The following NEK1 variants were observed in gnomAD, a reference collection of about 807,000 sequenced individuals.
The protein encoded by NEK1 is NIMA related kinase 1.
Under a neutral mutation model 182.1 loss-of-function variants are expected in NEK1, and 137 were observed. The ratio of observed to expected loss-of-function variants is 0.75; its 90% confidence interval spans 0.65 to 0.87. NEK1 has a LOEUF of 0.87. Ranked by LOEUF, NEK1 falls within the 40% of genes least tolerant of loss-of-function variation. The pLI is 0.00. For synonymous variants in NEK1, 513 were observed against 492.2 expected, an observed-to-expected ratio of 1.04 and a Z score of -0.56; for missense variants, 1,391 against 1,494.4, an observed-to-expected ratio of 0.93 and a Z score of 1.14.
Position 169,472,066 on chromosome 4 carries a change from G to A in NEK1, c.2434+5058C>T, listed in dbSNP as rs562454578. 1.3e-4 allele frequency among the ~76,000 whole-genome samples: 20 copies of A among 152,118 alleles called. No individual in the cohort carries two copies. The East Asian group carries it at 3.7e-3, about 28-fold the overall frequency. Reference sequence around the variant, plus strand: ...GTGGGGCTCCGTGGGGGTGGGATCCGCTGAGCAATACCACTCGGGTCCCTG... The same window carrying A: ...GTGGGGCTCCGTGGGGGTGGGATCCACTGAGCAATACCACTCGGGTCCCTG... On this transcript the variant is annotated intron_variant, in intron 26 of 35. Coordinates refer to ENST00000507142, the MANE Select transcript of NEK1 (RefSeq NM_001199397.3).
At chr4:169,538,829 A>T (rs1386903715) in intron 18 of NEK1, among the ~76,000 whole-genome samples, 5 of 152,162 alleles carry the variant, frequency 3.3e-5, no homozygotes, top group Admixed American at 1.3e-4. Context: ...AATAAATCTC[A>T]GTCTCCTAGT....
intron 27 of NEK1, among the ~76,000 whole-genome samples, chr4:169,457,265 T>C (rs945565966): frequency 3.9e-5 from 6 of 152,130 alleles, no homozygotes; most frequent in Non-Finnish European, 8.8e-5. Flanking sequence ...ATGTGACCCA[T>C]TTACCCTCAT....
Position 169,415,505 on chromosome 4 carries a change from A to C in NEK1, c.3223-8758T>G, listed in dbSNP as rs182167598. ...TTTCATTTTGACTATCATTTAAACA[A>C]ATCTTATACTCAATATTAATAACTA... On this transcript the variant is annotated intron_variant, in intron 31 of 35. Coordinates refer to ENST00000507142, the MANE Select transcript of NEK1 (RefSeq NM_001199397.3). 1.1e-3 allele frequency among the ~76,000 whole-genome samples: 166 copies of C among 150,616 alleles called. 4 individuals carry two copies. In the East Asian group the frequency reaches 0.023, roughly 21 times the overall value.
intron 10 of NEK1, among the ~76,000 whole-genome samples, chr4:169,584,419 C>T (rs1385772460): frequency 6.6e-6 from 1 of 152,024 alleles, no homozygotes; most frequent in Non-Finnish European, 1.5e-5. Flanking sequence ...CAAGACCAGC[C>T]TGGGCAATAT....
chr4:169,496,682 T>C (rs1401136754), intron 23 of NEK1, among the ~76,000 whole-genome samples: 1 of 150,740 alleles, frequency 6.6e-6, no homozygotes, highest in Non-Finnish European at 1.5e-5. Context: ...TTGCCTTTGG[T>C]TCTGTTTATA....
At chr4:169,556,491 A>G (rs1245288899) in intron 16 of NEK1, among the ~76,000 whole-genome samples, 4 of 152,174 alleles carry the variant, frequency 2.6e-5, no homozygotes, top group African/African-American at 9.6e-5. Flanking sequence ...TATATTTAAC[A>G]AAAACATCTG....
At chr4:169,400,164 T>C (rs891174514) in intron 35 of NEK1, 61 bp downstream of exon 35, 10 of 1,452,574 alleles carry the variant, frequency 6.9e-6, no homozygotes, top group Non-Finnish European at 9.5e-6. Flanking sequence ...TTCATATACA[T>C]GTATCATCTT....
chr4:169,432,621 T>G (rs148379533), intron 29 of NEK1, among the ~76,000 whole-genome samples: 94 of 152,274 alleles, frequency 6.2e-4, no homozygotes, highest in African/African-American at 2.2e-3. Context: ...GAAAAATCTG[T>G]GTACACTATA....
chr4:169,400,173 T>C lies in NEK1; in HGVS notation c.3847+52A>G. 6 of 1,520,926 alleles carry C rather than the reference T, an allele frequency of 3.9e-6. No homozygotes were observed. The South Asian group carries it at 6.1e-5, about 15-fold the overall frequency. 94.2% of individuals were successfully genotyped at this position (1,520,926 alleles called of 1,614,324 possible). A position where few individuals can be genotyped will look rare whatever the true frequency, so the allele number is the denominator to read the frequency against. ...AGCTGATTCATATACATGTATCATC[T>C]TGTTTTTCTCACATTTACTGAAAAT... On this transcript the variant is annotated intron_variant, in intron 35 of 35. Transcript: ENST00000507142.
intron 18 of NEK1, among the ~76,000 whole-genome samples, chr4:169,544,169 G>C (rs905615472): frequency 6.0e-5 from 9 of 150,744 alleles, no homozygotes; most frequent in Non-Finnish European, 1.2e-4. Context: ...GTTATTATTT[G>C]GAAAGTAGGG....
chr4:169,473,127 A>G (rs987378039), intron 26 of NEK1, among the ~76,000 whole-genome samples: 1 of 151,388 alleles, frequency 6.6e-6, no homozygotes, highest in African/African-American at 2.4e-5. Context: ...TTAGCCGGGC[A>G]TGGCAGCACG....
chr4:169,401,197 A>G (rs1336601675), intron 33 of NEK1, among the ~76,000 whole-genome samples: 1 of 152,210 alleles, frequency 6.6e-6, no homozygotes, highest in East Asian at 1.9e-4. Flanking sequence ...TCATATAGTT[A>G]TTGAAACAGA....
intron 5 of NEK1, among the ~76,000 whole-genome samples, chr4:169,592,263 G>A (rs1232016564): frequency 6.6e-6 from 1 of 152,012 alleles, no homozygotes; most frequent in Non-Finnish European, 1.5e-5. Flanking sequence ...ATAAAACCAT[G>A]TATATAAGAT....
At chr4:169,562,392 G>C (rs1763052599) in intron 12 of NEK1, among the ~76,000 whole-genome samples, 196 bp from the exon 13 acceptor site, 1 of 151,816 alleles carries the variant, frequency 6.6e-6, no homozygotes, top group Non-Finnish European at 1.5e-5. Context: ...TAGATTCAAA[G>C]AAACTGTGGA....
At chr4:169,423,611 G>T (rs1025735106) in intron 31 of NEK1, among the ~76,000 whole-genome samples, 4 of 152,260 alleles carry the variant, frequency 2.6e-5, no homozygotes, top group Non-Finnish European at 5.9e-5. Flanking sequence ...AGAAATGGAT[G>T]TACTTTCACA....
intron 28 of NEK1, among the ~76,000 whole-genome samples, chr4:169,435,062 T>C (rs761681070): frequency 3.9e-5 from 6 of 152,122 alleles, no homozygotes; most frequent in Non-Finnish European, 5.9e-5. Flanking sequence ...TAAGATACTG[T>C]TTTAGTTCAG....
intron 9 of NEK1, among the ~76,000 whole-genome samples, chr4:169,586,204 G>A (rs766855444): frequency 1.6e-4 from 25 of 151,978 alleles, no homozygotes; most frequent in Non-Finnish European, 2.8e-4. Flanking sequence ...GCAATATTAA[G>A]CTTTTGATAT....
chr4:169,475,342 C>T (rs59541420), intron 26 of NEK1, among the ~76,000 whole-genome samples: 29,439 of 151,918 alleles, frequency 0.19, 4,270 homozygotes, highest in African/African-American at 0.41. Flanking sequence ...TCATTCCTTC[C>T]GTAGAGCACT....
In NEK1 at chr4:169,561,600, A is replaced by G. The variant is rs771362278; in HGVS notation, c.1192-46T>C. 4 of 1,600,960 alleles carry G rather than the reference A, an allele frequency of 2.5e-6. No individual in the cohort carries two copies. In the Admixed American group the frequency reaches 5.0e-5, roughly 20 times the overall value. On this transcript the variant is annotated intron_variant, in intron 15 of 35. Transcript: ENST00000507142. ...CAAAACACCATTTCAAGTATTTAAT[A>G]TAAAATACACGTAATACATTTAGCA...
Sources: allele counts gnomAD v4.1 joint callset (sites outside exome capture counted in the v4.1 genomes callset), GRCh38; gene constraint gnomAD v4.1.1; transcripts MANE v1.5; gene names NCBI Gene and HGNC (gene_info 2026-07-23, HGNC 2026-07-21).